Variants in BAHCC1 observed in about 807,000 individuals in gnomAD.
BAHCC1 encodes BAH domain and coiled-coil containing 1.
In BAHCC1, 43 loss-of-function variants were observed where a neutral mutation model predicts 88.2. That is an observed-to-expected ratio of 0.49 (90% CI 0.38 to 0.63). The LOEUF is 0.63. Ranked by LOEUF, BAHCC1 falls within the 20% of genes least tolerant of loss-of-function variation. BAHCC1 has a pLI of 0.00. For missense variants in BAHCC1, 3,023 were observed against 1,654.8 expected (o/e 1.83, Z -14.34); for synonymous variants, 1,510 against 745.5 (o/e 2.03, Z -16.71).
rs1555658053 is a variant in BAHCC1, at chr17:81,458,419, C to T, written c.5296C>T (p.Leu1766Phe). 2.7e-6 allele frequency: 2 copies of T among 742,748 alleles called. No homozygotes were observed. Among genetic ancestry groups the T allele is most frequent in the South Asian group, 2.9e-5 (2 of 69,832 alleles). 46.0% of individuals were successfully genotyped at this position (742,748 alleles called of 1,614,324 possible). A position where few individuals can be genotyped will look rare whatever the true frequency, so the allele number is the denominator to read the frequency against. Residue 1766 changes from leucine to phenylalanine, a missense_variant, in exon 18 of 28, where the codon CTC (leucine) becomes TTC (phenylalanine). Coordinates refer to ENST00000675386, the MANE Select transcript of BAHCC1 (RefSeq NM_001377448.1). ...GGGCAGCCAGCTGGCCAGTGAGCGC[C>T]TCAAGAGGGCCACGCGCAAGGGCAC... ...EEGSQLASER[L>F]KRATRKGTVL...
rs149444621 is a variant in BAHCC1 at position 81,443,902 on chromosome 17, G to A, written c.2309G>A (p.Arg770His). 10 of 711,504 alleles carry A rather than the reference G, an allele frequency of 1.4e-5. No homozygotes were observed. Among genetic ancestry groups the A allele is most frequent in the South Asian group, 5.9e-5 (4 of 67,600 alleles). The allele number at this position is 711,504 out of a possible 1,614,324, so 44.1% of individuals were successfully genotyped here. Residue 770 changes from arginine to histidine, a missense_variant, in exon 6 of 28, where the codon CGC (arginine) becomes CAC (histidine). Transcript: ENST00000675386. ...LCDDRLGLAS[R>H]ELLLQDSKDR... ...GATGACCGCCTGGGGCTTGCCAGCC[G>A]CGAGCTGCTGCTGCAGTGAGAGCTG...
chr17:81,458,471 G>C lies in BAHCC1; in HGVS notation c.5343+5G>C, dbSNP rs1428996696. On this transcript the variant is annotated splice_donor_5th_base_variant and intron_variant, in intron 18 of 27. Coordinates refer to ENST00000675386, the MANE Select transcript of BAHCC1 (RefSeq NM_001377448.1). ...GTGCTGCAGCCAGTGCTGCGGGTGA[G>C]GCTGGGCTCTGGGGTGCTGGGCGGA... 1.4e-6 allele frequency: 1 copy of C among 704,100 alleles called. No individual in the cohort carries two copies. The highest frequency in any genetic ancestry group is 2.6e-6 in the Non-Finnish European group (1 of 381,762). The allele number at this position is 704,100 out of a possible 1,614,324, so 43.6% of individuals were successfully genotyped here. A position where few individuals can be genotyped will look rare whatever the true frequency, so the allele number is the denominator to read the frequency against.
intron 1 of BAHCC1, chr17:81,396,470 C>T (rs1266250753): frequency 1.3e-5 from 2 of 152,092 alleles, no homozygotes; most frequent in African/African-American, 2.4e-5. Context: ...ATGACTCTCC[C>T]AGGGAGCGGG....
Position 81,456,822 on chromosome 17 carries a change from C to T in BAHCC1, c.4858+237C>T, listed in dbSNP as rs141034410. 4.5e-3 allele frequency among the ~76,000 whole-genome samples: 688 copies of T among 152,188 alleles called. 4 individuals are homozygous for T. The highest frequency in any genetic ancestry group is 7.8e-3 in the Non-Finnish European group (529 of 67,992). On this transcript the variant is annotated intron_variant, in intron 16 of 27. Coordinates refer to ENST00000675386, the MANE Select transcript of BAHCC1 (RefSeq NM_001377448.1). ...GGCTCAGCATGCCTCACCCCCATGT[C>T]AGGGCCGAAGGGGAAGGAAGGACCC...
chr17:81,443,426 C>T lies in BAHCC1; in HGVS notation c.2077C>T (p.His693Tyr), dbSNP rs1555653312. The change falls in exon 5 of 28, where the codon CAC (histidine) becomes TAC (tyrosine). Residue 693 changes from histidine (H) to tyrosine (Y), a missense_variant. Physicochemically the swap from His to Tyr is moderately conservative, Grantham distance 83 (BLOSUM62 2). Coordinates refer to ENST00000675386, the MANE Select transcript of BAHCC1 (RefSeq NM_001377448.1). ...CCGCAGCAGGGAGCACGACACCACG[C>T]ACGGCGACGGGGAGGTGCGGCAGCC... Reference protein sequence around the residue: ...CARSREHDTTHGDGEVRQPPV... With the variant: ...CARSREHDTTYGDGEVRQPPV... The T allele has an allele frequency of 1.3e-6, 1 of 761,650 alleles. No individual in the cohort carries two copies. 47.2% of individuals were successfully genotyped at this position (761,650 alleles called of 1,614,324 possible). A position where few individuals can be genotyped will look rare whatever the true frequency, so the allele number is the denominator to read the frequency against.
In BAHCC1 at chr17:81,445,299, C is replaced by T. The variant is rs2064503489; in HGVS notation, c.2836-55C>T. ...TGGCAGGATGAACCCAAGCAGGGGG[C>T]CCACTGGGGTCAGGGGATCCTGAGC... On this transcript the variant is annotated intron_variant, in intron 9 of 27. Coordinates refer to ENST00000675386, the MANE Select transcript of BAHCC1 (RefSeq NM_001377448.1). 6 of 733,306 alleles carry T rather than the reference C, an allele frequency of 8.2e-6. No homozygotes were observed. The East Asian group carries it at 1.6e-4, about 19-fold the overall frequency. The allele number at this position is 733,306 out of a possible 1,614,324, so 45.4% of individuals were successfully genotyped here.
chr17:81,416,601 C>T lies in BAHCC1; in HGVS notation c.179-10199C>T, dbSNP rs139708008. Among the ~76,000 whole-genome samples, 643 of 126,952 alleles carry T rather than the reference C, an allele frequency of 5.1e-3. 5 individuals carry two copies. Among genetic ancestry groups the T allele is most frequent in the African/African-American group, 0.017 (600 of 34,848 alleles). The allele number at this position is 126,952 out of a possible 152,430, so 83.3% of individuals were successfully genotyped here. On this transcript the variant is annotated intron_variant, in intron 2 of 27. Transcript: ENST00000675386. ...TGTGTGTCCGTGAGGATGGTGTATG[C>T]GCGTATGTACGTGTGTGTGTCCATG...
intron 4 of BAHCC1, among the ~76,000 whole-genome samples, 180 bp downstream of exon 4, chr17:81,438,672 G>A (rs1555652100): frequency 6.6e-6 from 1 of 152,076 alleles, no homozygotes; most frequent in Non-Finnish European, 1.5e-5. Context: ...TAAACCCAGG[G>A]GCCCAGGACC....
In BAHCC1 at chr17:81,461,188, C is replaced by T; in HGVS notation, c.6525C>T (p.Gly2175=). ...YAPFVGGTGP[G]LPRGAHKLLR... is the part of the protein sequence containing the mutation. ...CCTTCGTCGGGGGGACCGGGCCGGG[C>T]CTCCCCAGGGGAGCCCACAAGCTGC... The change falls in exon 26 of 28, where the codon GGC becomes GGT. Residue 2175 remains glycine (G), a synonymous_variant. Coordinates refer to ENST00000675386, the MANE Select transcript of BAHCC1 (RefSeq NM_001377448.1). 1.3e-6 allele frequency: 1 copy of T among 742,978 alleles called. No homozygotes were observed. Among genetic ancestry groups the T allele is most frequent in the South Asian group, 1.4e-5 (1 of 70,964 alleles). 46.0% of individuals were successfully genotyped at this position (742,978 alleles called of 1,614,324 possible).
At chr17:81,408,945 C>G (rs2063914187) in intron 2 of BAHCC1, among the ~76,000 whole-genome samples, 1 of 152,254 alleles carries the variant, frequency 6.6e-6, no homozygotes, top group African/African-American at 2.4e-5. Flanking sequence ...AAGTGCCCAT[C>G]CACGCTCAGG....
chr17:81,431,469 G>T (rs1284682658), intron 3 of BAHCC1, among the ~76,000 whole-genome samples: 1 of 152,234 alleles, frequency 6.6e-6, no homozygotes, highest in Non-Finnish European at 1.5e-5. Context: ...CTGTATGGAG[G>T]TGGCTAGGGG....
At chr17:81,452,954 T>C (rs2064672046) in intron 14 of BAHCC1, 103 bp downstream of exon 14, 1 of 611,706 alleles carries the variant, frequency 1.6e-6, no homozygotes, top group Non-Finnish European at 2.9e-6. Context: ...AGGCTGCTGG[T>C]GCCCCTTCAC....
Position 81,457,571 on chromosome 17 carries a change from A to G in BAHCC1, c.5020A>G (p.Lys1674Glu), listed in dbSNP as rs1555657646. 2 of 744,292 alleles carry G rather than the reference A, an allele frequency of 2.7e-6. No individual in the cohort carries two copies. Among genetic ancestry groups the G allele is most frequent in the Non-Finnish European group, 5.0e-6 (2 of 400,158 alleles). The allele number at this position is 744,292 out of a possible 1,614,324, so 46.1% of individuals were successfully genotyped here. A position where few individuals can be genotyped will look rare whatever the true frequency, so the allele number is the denominator to read the frequency against. Reference protein sequence around the residue: ...MEANQKAKKKKERQGLLGACR... With the variant: ...MEANQKAKKKEERQGLLGACR... ...GGCCAACCAGAAGGCCAAGAAGAAG[A>G]AGGAGAGGCAGGGGTTGCTAGGTAA... The change falls in exon 17 of 28, where the codon AAG becomes GAG. Residue 1674 changes from lysine (K) to glutamate (E), a missense_variant. Physicochemically the swap from Lys to Glu is moderately conservative, Grantham distance 56 (BLOSUM62 1). Transcript: ENST00000675386.
rs1017527301 is a variant in BAHCC1 at position 81,458,131 on chromosome 17, G to A, written c.5042-34G>A. On this transcript the variant is annotated intron_variant, in intron 17 of 27. Coordinates refer to ENST00000675386, the MANE Select transcript of BAHCC1 (RefSeq NM_001377448.1). ...CCAACCAGCCGGGTCTCTAGGATGG[G>A]GACCCCTGTGACGGCCTCCTCTCCT... The A allele has an allele frequency of 4.2e-6, 3 of 714,824 alleles. No homozygotes were observed. The Admixed American group carries it at 6.0e-5, about 14-fold the overall frequency. The allele number at this position is 714,824 out of a possible 1,614,324, so 44.3% of individuals were successfully genotyped here. A position where few individuals can be genotyped will look rare whatever the true frequency, so the allele number is the denominator to read the frequency against.
Position 81,442,976 on chromosome 17 carries a change from C to T in BAHCC1, c.1627C>T (p.Arg543Cys), listed in dbSNP as rs531211102. The T allele has an allele frequency of 6.4e-6, 5 of 779,108 alleles. No homozygotes were observed. Among genetic ancestry groups the T allele is most frequent in the African/African-American group, 3.4e-5 (2 of 59,280 alleles). 48.3% of individuals were successfully genotyped at this position (779,108 alleles called of 1,614,324 possible). A position where few individuals can be genotyped will look rare whatever the true frequency, so the allele number is the denominator to read the frequency against. ...AGPPGAQKVA[R>C]IRHQQHLMAA... ...CCCCCCAGGGGCACAGAAGGTGGCC[C>T]GCATCAGGCACCAGCAGCACTTGAT... Residue 543 changes from arginine (R) to cysteine (C), a missense_variant, in exon 5 of 28, where the codon CGC becomes TGC. Physicochemically the swap from Arg to Cys is radical, Grantham distance 180. Transcript: ENST00000675386.
chr17:81,451,942 C>A, intron 12 of BAHCC1, 29 bp from the exon 13 acceptor site: 1 of 622,764 alleles, frequency 1.6e-6, no homozygotes, highest in Admixed American at 2.6e-5. Context: ...CCTGGCCCGG[C>A]TCACAGGCCC....
chr17:81,417,945 C>G (rs370291015), intron 2 of BAHCC1, among the ~76,000 whole-genome samples: 2 of 152,244 alleles, frequency 1.3e-5, no homozygotes, highest in Non-Finnish European at 2.9e-5. Context: ...CACTGCTTCC[C>G]ATCCTTTCGC....
Position 81,442,565 on chromosome 17 carries a change from C to T in BAHCC1, c.1216C>T (p.Arg406Cys), listed in dbSNP as rs569214613. 1.9e-5 allele frequency: 14 copies of T among 755,630 alleles called. No individual in the cohort carries two copies. Among genetic ancestry groups the T allele is most frequent in the East Asian group, 4.9e-5 (2 of 40,844 alleles). 46.8% of individuals were successfully genotyped at this position (755,630 alleles called of 1,614,324 possible). The stretch of plus-strand genomic sequence containing the variant: ...TGTGGGACACCTGGCCGACAAGGGC[C>T]GCCCCTTCCAGGCCGCCGAGGCCTG... ...PSVGHLADKGRPFQAAEACAV... is the reference protein window; with the variant it reads ...PSVGHLADKGCPFQAAEACAV... The change falls in exon 5 of 28, where the codon CGC (arginine) becomes TGC (cysteine). Residue 406 changes from arginine (R) to cysteine (C), a missense_variant. Arg to Cys is a radical substitution (Grantham distance 180). Transcript: ENST00000675386.
Position 81,443,925 on chromosome 17 carries a change from C to T in BAHCC1, c.2324+8C>T. The T allele has an allele frequency of 1.4e-6, 1 of 709,226 alleles. No individual in the cohort carries two copies. The highest frequency in any genetic ancestry group is 1.5e-5 in the South Asian group (1 of 67,584). The allele number at this position is 709,226 out of a possible 1,614,324, so 43.9% of individuals were successfully genotyped here. A position where few individuals can be genotyped will look rare whatever the true frequency, so the allele number is the denominator to read the frequency against. ...CCGCGAGCTGCTGCTGCAGTGAGAG[C>T]TGGGCCTGTGGCCCTGGAGAGTGGG... On this transcript the variant is annotated splice_region_variant and intron_variant, in intron 6 of 27. Transcript: ENST00000675386.
Sources: allele counts gnomAD v4.1 joint callset (sites outside exome capture counted in the v4.1 genomes callset), GRCh38; gene constraint gnomAD v4.1.1; transcripts MANE v1.5; gene names NCBI Gene and HGNC (gene_info 2026-07-23, HGNC 2026-07-21).